The following KCNIP4 variants were observed in gnomAD, a reference collection of about 807,000 sequenced individuals.
The protein encoded by KCNIP4 is potassium voltage-gated channel interacting protein 4.
KCNIP4 carries 12 observed loss-of-function variants against 34.0 expected under a neutral mutation model. That is an observed-to-expected ratio of 0.35 (90% CI 0.23 to 0.57). The LOEUF (loss-of-function observed/expected upper bound fraction) is 0.57, where lower values mean the gene tolerates loss of function less well. Among genes scored for constraint, KCNIP4 ranks in the 20% least tolerant of loss-of-function variants. The probability of loss-of-function intolerance (pLI) is 0.83; values close to 1 mark genes in which losing one functional copy is unlikely to be tolerated. For synonymous variants in KCNIP4, 124 were observed against 102.2 expected (o/e 1.21, Z -1.29); for missense variants, 238 against 311.7 (o/e 0.76, Z 1.78).
At chr4:21,357,051 A>G (rs1718692317) in intron 1 of KCNIP4, among the ~76,000 whole-genome samples, 1 of 152,216 alleles carries the variant, frequency 6.6e-6, no homozygotes, top group Non-Finnish European at 1.5e-5. Flanking sequence ...ATCTTACAAA[A>G]AGTATAAATG....
intron 1 of KCNIP4, among the ~76,000 whole-genome samples, chr4:21,117,915 A>C: frequency 6.6e-6 from 1 of 152,138 alleles, no homozygotes; most frequent in Admixed American, 6.5e-5. Context: ...AAAGATACAG[A>C]ATAAAGAACC....
chr4:21,343,248 G>C (rs754239101), intron 1 of KCNIP4, among the ~76,000 whole-genome samples: 1 of 152,054 alleles, frequency 6.6e-6, no homozygotes, highest in Non-Finnish European at 1.5e-5. Context: ...TGTACTTGGA[G>C]TTAGATAGTA....
At chr4:21,239,674 A>T (rs973204187) in intron 1 of KCNIP4, among the ~76,000 whole-genome samples, 2 of 152,240 alleles carry the variant, frequency 1.3e-5, no homozygotes, top group African/African-American at 4.8e-5. Flanking sequence ...CCACAATGAG[A>T]TACCATCTCA....
At chr4:21,228,508 C>A (rs1385748516) in intron 1 of KCNIP4, among the ~76,000 whole-genome samples, 1 of 152,148 alleles carries the variant, frequency 6.6e-6, no homozygotes, top group African/African-American at 2.4e-5. Flanking sequence ...CCCCATCCTG[C>A]AGTCAACCAC....
At chr4:21,071,335 G>T (rs1391780862) in intron 1 of KCNIP4, among the ~76,000 whole-genome samples, 3 of 152,154 alleles carry the variant, frequency 2.0e-5, no homozygotes, top group Admixed American at 2.0e-4. Context: ...TCTCAAGCAT[G>T]TTTTGAAAAG....
chr4:20,798,007 G>A (rs1442377444), intron 3 of KCNIP4, among the ~76,000 whole-genome samples: 1 of 152,160 alleles, frequency 6.6e-6, no homozygotes, highest in African/African-American at 2.4e-5. Context: ...TTGCTACGCA[G>A]CAATAGAAAA....
chr4:21,218,096 AC>A (rs1757730296), intron 1 of KCNIP4, among the ~76,000 whole-genome samples: 1 of 150,732 alleles, frequency 6.6e-6, no homozygotes, highest in East Asian at 2.0e-4. Flanking sequence ...GCTACCCACA[AC>A]CTCCGCCTCC....
At chr4:21,352,179 C>T (rs950634658) in intron 1 of KCNIP4, among the ~76,000 whole-genome samples, 3 of 152,114 alleles carry the variant, frequency 2.0e-5, no homozygotes, top group African/African-American at 7.2e-5. Context: ...CAAATAGAAA[C>T]AGCTCCGGTC....
At chr4:21,751,556 A>G (rs1360057992) in intron 1 of KCNIP4, among the ~76,000 whole-genome samples, 1 of 152,176 alleles carries the variant, frequency 6.6e-6, no homozygotes, top group Non-Finnish European at 1.5e-5. Context: ...GAAGCTAGGT[A>G]AAGGGTGCAT....
chr4:21,536,094 C>T (rs1009760639), intron 1 of KCNIP4, among the ~76,000 whole-genome samples: 2 of 152,180 alleles, frequency 1.3e-5, no homozygotes, highest in East Asian at 3.9e-4. Context: ...AACTAGGCAA[C>T]GTAAGAGACA....
chr4:20,931,019 A>C (rs890042917), intron 1 of KCNIP4, among the ~76,000 whole-genome samples: 1 of 152,058 alleles, frequency 6.6e-6, no homozygotes, highest in African/African-American at 2.4e-5. Flanking sequence ...GGATTGACCC[A>C]GCAATTCCTC....
intron 1 of KCNIP4, among the ~76,000 whole-genome samples, chr4:20,961,928 G>C (rs1054388637): frequency 6.6e-6 from 1 of 152,074 alleles, no homozygotes; most frequent in African/African-American, 2.4e-5. Context: ...CTTTTTACTG[G>C]AGATTATCAA....
At chr4:21,322,468 C>T (rs1481626831) in intron 1 of KCNIP4, among the ~76,000 whole-genome samples, 2 of 152,262 alleles carry the variant, frequency 1.3e-5, no homozygotes, top group East Asian at 3.9e-4. Context: ...ATAACAGTTA[C>T]TGTAATTGAA....
At chr4:21,095,135 G>C (rs1214607693) in intron 1 of KCNIP4, among the ~76,000 whole-genome samples, 1 of 152,178 alleles carries the variant, frequency 6.6e-6, no homozygotes, top group Non-Finnish European at 1.5e-5. Flanking sequence ...TATTAATTAA[G>C]ATAAAGATCA....
At chr4:21,590,148 C>CA (rs966614669) in intron 1 of KCNIP4, among the ~76,000 whole-genome samples, 2 of 151,734 alleles carry the variant, frequency 1.3e-5, no homozygotes, top group East Asian at 1.9e-4. Flanking sequence ...TTCTGTGAGC[C>CA]AAAAAAACTA....
At chr4:21,631,416 C>T (rs932770984) in intron 1 of KCNIP4, among the ~76,000 whole-genome samples, 1 of 152,052 alleles carries the variant, frequency 6.6e-6, no homozygotes, top group Non-Finnish European at 1.5e-5. Context: ...ATTGGACAGG[C>T]AATTTGCAAA....
At chr4:21,231,494 G>A (rs1017027556) in intron 1 of KCNIP4, among the ~76,000 whole-genome samples, 2 of 152,050 alleles carry the variant, frequency 1.3e-5, no homozygotes, top group Non-Finnish European at 2.9e-5. Flanking sequence ...TTGTGAATAT[G>A]TACAGTAAAC....
At chr4:20,832,140 C>T (rs1057070651) in intron 3 of KCNIP4, among the ~76,000 whole-genome samples, 4 of 152,038 alleles carry the variant, frequency 2.6e-5, no homozygotes, top group African/African-American at 4.8e-5. Flanking sequence ...AGAAATTATG[C>T]TATTTACTTT....
intron 2 of KCNIP4, among the ~76,000 whole-genome samples, chr4:20,877,725 G>T (rs1481901302): frequency 1.3e-5 from 2 of 151,972 alleles, no homozygotes; most frequent in Admixed American, 6.6e-5. Context: ...TCCTCTCCTT[G>T]AATTTTTCCA....
Sources: gnomAD v4.1 joint callset for allele counts (sites outside exome capture counted in the v4.1 genomes callset) on GRCh38, gnomAD v4.1.1 for gene constraint, MANE v1.5 for transcripts, NCBI Gene and HGNC (gene_info 2026-07-23, HGNC 2026-07-21) for gene names.